The following LNX2 variants were observed in gnomAD, a reference collection of about 807,000 sequenced individuals.
LNX2 encodes ligand of numb-protein X 2.
Under a neutral mutation model 66.2 loss-of-function variants are expected in LNX2, and 35 were observed. The ratio of observed to expected loss-of-function variants is 0.53; its 90% CI spans 0.40 to 0.70. LNX2 has a LOEUF of 0.70. LNX2 is among the 30% of genes least tolerant of loss of function. The pLI, the probability that LNX2 is intolerant of heterozygous loss-of-function variation, is 0.00. For missense variants in LNX2, 791 were observed against 850.8 expected (o/e 0.93, Z 0.87); for synonymous variants, 337 against 315.6 (o/e 1.07, Z -0.72).
intron 1 of LNX2, among the ~76,000 whole-genome samples, chr13:27,588,174 C>T (rs1001885858): frequency 3.3e-5 from 5 of 152,122 alleles, no homozygotes; most frequent in Admixed American, 2.6e-4. Context: ...AAGCATTTAT[C>T]CCAGAGAGGT....
intron 1 of LNX2, among the ~76,000 whole-genome samples, chr13:27,591,123 G>A (rs1016441874): frequency 6.6e-6 from 1 of 152,072 alleles, no homozygotes; most frequent in African/African-American, 2.4e-5. Flanking sequence ...ATGGCCTCAG[G>A]GGCAGGGACC....
intron 1 of LNX2, among the ~76,000 whole-genome samples, chr13:27,595,345 G>A (rs60729544): frequency 0.11 from 16,227 of 152,206 alleles, 1,059 homozygotes; most frequent in Non-Finnish European, 0.14. Flanking sequence ...TCACTTGTTT[G>A]CATGTGTCTT....
intron 1 of LNX2, among the ~76,000 whole-genome samples, chr13:27,583,206 G>A (rs1566124650): frequency 0.032 from 575 of 18,014 alleles, 89 homozygotes; most frequent in Non-Finnish European, 0.042. Context: ...GTGTGTGTGT[G>A]TGTGTGTGTG....
chr13:27,564,421 T>C (rs547524341), intron 4 of LNX2, among the ~76,000 whole-genome samples: 2 of 152,320 alleles, frequency 1.3e-5, no homozygotes, highest in South Asian at 2.1e-4. Context: ...GAAAATGCCA[T>C]TATTGATGAC....
At position 27,604,224 on chromosome 13, in the gene LNX2, C is replaced by T. The variant is rs1026495675; in HGVS notation, c.-101+16151G>A. ...CTGCGCCACTGCACTCCAGCCTGGG[C>T]GACAGAGCGAGACTCCGTCTCAAAA... is the stretch of plus-strand genomic sequence containing the variant. On this transcript the variant is annotated intron_variant, in intron 1 of 9. Transcript: ENST00000316334. Among the ~76,000 whole-genome samples the T allele has an allele frequency of 1.1e-4, 16 of 152,276 alleles. No individual in the cohort carries two copies. The East Asian group carries it at 1.7e-3, about 17-fold the overall frequency.
intron 2 of LNX2, among the ~76,000 whole-genome samples, chr13:27,577,183 A>T (rs867199254): frequency 6.6e-6 from 1 of 152,252 alleles, no homozygotes; most frequent in Non-Finnish European, 1.5e-5. Context: ...AGAACTATCT[A>T]TTCAAATCCT....
In LNX2 at chr13:27,583,245, TGTGTGTGTGTGCGCGC is replaced by T. The variant is rs1955436811; in HGVS notation, c.-100-1458_-100-1443del. ...GTGTGTGTGTGTGTGTGTGTGTGTG[TGTGTGTGTGTGCGCGC>T]GTCCTCTCCAACATACTTATTTTTA... On this transcript the variant is annotated intron_variant, in intron 1 of 9. Transcript: ENST00000316334. Among the ~76,000 whole-genome samples, 13 of 32,220 alleles carry T rather than the reference TGTGTGTGTGTGCGCGC, an allele frequency of 4.0e-4. 5 individuals carry two copies. The highest frequency in any genetic ancestry group is 1.1e-3 in the African/African-American group (5 of 4,678). 21.1% of individuals were successfully genotyped at this position (32,220 alleles called of 152,430 possible). A position where few individuals can be genotyped will look rare whatever the true frequency, so the allele number is the denominator to read the frequency against.
Position 27,588,944 on chromosome 13 carries a change from G to A in LNX2, c.-100-7141C>T, listed in dbSNP as rs112939695. On this transcript the variant is annotated intron_variant, in intron 1 of 9. Transcript: ENST00000316334. ...TGTTTCTGTTTTTAATCTGTCATGA[G>A]CTCACATGTGAGGTCTGGAAAATTC... Among the ~76,000 whole-genome samples, 876 of 152,226 alleles carry A rather than the reference G, an allele frequency of 5.8e-3. 5 individuals are homozygous for A. The highest frequency in any genetic ancestry group is 0.02 in the African/African-American group (835 of 41,532).
intron 1 of LNX2, among the ~76,000 whole-genome samples, chr13:27,586,503 C>T (rs1955488307): frequency 6.6e-6 from 1 of 152,164 alleles, no homozygotes; most frequent in Non-Finnish European, 1.5e-5. Context: ...CCTCACTGAA[C>T]TATCAGCTCT....
At chr13:27,590,103 C>T (rs932933032) in intron 1 of LNX2, among the ~76,000 whole-genome samples, 2 of 152,134 alleles carry the variant, frequency 1.3e-5, no homozygotes, top group Non-Finnish European at 2.9e-5. Context: ...GCGCCCACCA[C>T]CACCCCCGGC....
At chr13:27,548,794 G>A (rs1051270986) in intron 9 of LNX2, among the ~76,000 whole-genome samples, 2 of 151,940 alleles carry the variant, frequency 1.3e-5, no homozygotes, top group Non-Finnish European at 2.9e-5. Context: ...ATTTGAAGGG[G>A]GTTATTATTT....
chr13:27,583,270 C>A (rs1392396386), intron 1 of LNX2, among the ~76,000 whole-genome samples: 2 of 28,794 alleles, frequency 6.9e-5, no homozygotes, highest in Non-Finnish European at 1.3e-4. Context: ...GCGTCCTCTC[C>A]AACATACTTA....
intron 2 of LNX2, 66 bp from the exon 3 acceptor site, chr13:27,569,342 G>C (rs1955248806): frequency 6.5e-7 from 1 of 1,541,046 alleles, no homozygotes; most frequent in African/African-American, 1.4e-5. Flanking sequence ...AAAATAGGGA[G>C]GGGGACTAAT....
At chr13:27,550,606 G>A in intron 8 of LNX2, 115 bp from the exon 9 acceptor site, 1 of 693,098 alleles carries the variant, frequency 1.4e-6, no homozygotes, top group Non-Finnish European at 2.4e-6. Flanking sequence ...AAAGAAAAAG[G>A]GCTATTAATA....
chr13:27,555,879 C>T (rs1955054178), intron 7 of LNX2, among the ~76,000 whole-genome samples: 1 of 152,310 alleles, frequency 6.6e-6, no homozygotes, highest in East Asian at 1.9e-4. Flanking sequence ...CACCTCCTCT[C>T]TGAGTCCCCT....
intron 1 of LNX2, among the ~76,000 whole-genome samples, chr13:27,597,489 G>C (rs1955611666): frequency 6.6e-6 from 1 of 152,106 alleles, no homozygotes; most frequent in Non-Finnish European, 1.5e-5. Flanking sequence ...ACTCTATGTG[G>C]GTATATGCAT....
chr13:27,613,644 T>C (rs1955796765), intron 1 of LNX2, among the ~76,000 whole-genome samples: 1 of 152,022 alleles, frequency 6.6e-6, no homozygotes, highest in South Asian at 2.1e-4. Context: ...GGCGGGTGCT[T>C]GTAATCCCAG....
chr13:27,560,587 C>CTATATATAT (rs1313161860), intron 5 of LNX2, among the ~76,000 whole-genome samples: 2 of 69,358 alleles, frequency 2.9e-5, no homozygotes, highest in African/African-American at 8.6e-5. Context: ...ATATATATAG[C>CTATATATAT]ATACTTGTGT....
chr13:27,573,327 T>C (rs949458474), intron 2 of LNX2, among the ~76,000 whole-genome samples: 1 of 152,084 alleles, frequency 6.6e-6, no homozygotes, highest in Non-Finnish European at 1.5e-5. Flanking sequence ...TTTTCTTCTT[T>C]TTTTTCCCCC....
Sources: gnomAD v4.1 joint callset for allele counts (sites outside exome capture counted in the v4.1 genomes callset) on GRCh38, gnomAD v4.1.1 for gene constraint, MANE v1.5 for transcripts, NCBI Gene and HGNC (gene_info 2026-07-23, HGNC 2026-07-21) for gene names.